Variants in APBA1 observed in about 807,000 individuals in gnomAD.
APBA1 encodes the protein amyloid beta precursor protein binding family A member 1.
A neutral mutation model predicts 86.6 loss-of-function variants in APBA1; 55 were observed. The observed-to-expected ratio is 0.64, with a 90% CI of 0.51 to 0.80. The LOEUF (loss-of-function observed/expected upper bound fraction) is 0.80. Ranked by LOEUF, APBA1 falls within the 30% of genes least tolerant of loss-of-function variation. The probability of loss-of-function intolerance (pLI) is 0.00; values close to 1 mark genes in which losing one functional copy is unlikely to be tolerated. For missense variants in APBA1, 1,090 were observed against 1,183.0 expected, an observed-to-expected ratio of 0.92 and a Z score of 1.15; for synonymous variants, 511 against 493.9, an observed-to-expected ratio of 1.03 and a Z score of -0.46.
At chr9:69,557,280 A>T (rs1836877687) in intron 1 of APBA1, among the ~76,000 whole-genome samples, 1 of 152,216 alleles carries the variant, frequency 6.6e-6, no homozygotes, top group Non-Finnish European at 1.5e-5. Context: ...AGCCATGACA[A>T]AGTGTAGGTG....
chr9:69,646,325 G>T (rs1823388977), intron 1 of APBA1, among the ~76,000 whole-genome samples: 1 of 152,150 alleles, frequency 6.6e-6, no homozygotes. Flanking sequence ...CCATGCATGT[G>T]TCATTCTTGT....
At chr9:69,569,969 C>T (rs1309052017) in intron 1 of APBA1, among the ~76,000 whole-genome samples, 3 of 152,096 alleles carry the variant, frequency 2.0e-5, no homozygotes, top group Admixed American at 6.6e-5. Flanking sequence ...AGGTCAGAAT[C>T]GAGGCAGAGA....
chr9:69,656,572 T>C (rs1309791659), intron 1 of APBA1, among the ~76,000 whole-genome samples: 3 of 152,200 alleles, frequency 2.0e-5, no homozygotes, highest in African/African-American at 2.4e-5. Context: ...GTGGTTGATA[T>C]TGACTGACTG....
intron 2 of APBA1, among the ~76,000 whole-genome samples, chr9:69,505,902 C>T (rs1835953092): frequency 6.6e-6 from 1 of 151,834 alleles, no homozygotes; most frequent in African/African-American, 2.4e-5. Context: ...ACCTGTAGTC[C>T]CAGCTACTTG....
chr9:69,561,542 CT>C (rs1403832296), intron 1 of APBA1, among the ~76,000 whole-genome samples: 1 of 151,980 alleles, frequency 6.6e-6, no homozygotes, highest in Non-Finnish European at 1.5e-5. Context: ...CAATCAACAT[CT>C]GTTAGAGTTC....
chr9:69,488,955 A>G (rs1290300590), intron 2 of APBA1, among the ~76,000 whole-genome samples: 3 of 152,090 alleles, frequency 2.0e-5, no homozygotes, highest in Non-Finnish European at 4.4e-5. Context: ...GGAGAACTAC[A>G]AACCACTGCT....
At chr9:69,511,123 G>T (rs983756498) in intron 2 of APBA1, among the ~76,000 whole-genome samples, 7 of 152,138 alleles carry the variant, frequency 4.6e-5, no homozygotes, top group Non-Finnish European at 8.8e-5. Flanking sequence ...ACTACCATCA[G>T]AGTGAACAGG....
intron 1 of APBA1, among the ~76,000 whole-genome samples, chr9:69,544,241 T>G (rs1184139296): frequency 6.6e-6 from 1 of 152,228 alleles, no homozygotes; most frequent in Non-Finnish European, 1.5e-5. Context: ...TGCTCACATT[T>G]CAACAATCAG....
chr9:69,546,719 A>T (rs1000384524), intron 1 of APBA1, among the ~76,000 whole-genome samples: 1 of 152,256 alleles, frequency 6.6e-6, no homozygotes, highest in Non-Finnish European at 1.5e-5. Flanking sequence ...ATATAACATT[A>T]GGGAATAAAT....
At chr9:69,600,895 C>T (rs1193742981) in intron 1 of APBA1, among the ~76,000 whole-genome samples, 1 of 150,890 alleles carries the variant, frequency 6.6e-6, no homozygotes, top group African/African-American at 2.4e-5. Context: ...TCATCCTCCA[C>T]CTGGGAGGCT....
At chr9:69,633,648 T>A (rs1019574586) in intron 1 of APBA1, among the ~76,000 whole-genome samples, 1 of 152,194 alleles carries the variant, frequency 6.6e-6, no homozygotes, top group African/African-American at 2.4e-5. Flanking sequence ...TTCCTCTCCA[T>A]CTGCATTCAA....
At chr9:69,495,388 C>A (rs1017242892) in intron 2 of APBA1, among the ~76,000 whole-genome samples, 15 of 152,132 alleles carry the variant, frequency 9.9e-5, no homozygotes, top group African/African-American at 3.6e-4. Flanking sequence ...TCCATCTTTC[C>A]GGGTGCTGTT....
At chr9:69,669,338 G>GAAAC (rs929922029) in intron 1 of APBA1, among the ~76,000 whole-genome samples, 1 of 151,932 alleles carries the variant, frequency 6.6e-6, no homozygotes, top group African/African-American at 2.4e-5. Context: ...TAAGTCTTCC[G>GAAAC]AAACAAACAA....
At chr9:69,548,052 T>G (rs1243821160) in intron 1 of APBA1, among the ~76,000 whole-genome samples, 1 of 152,114 alleles carries the variant, frequency 6.6e-6, no homozygotes, top group Admixed American at 6.6e-5. Context: ...CATGAGTCCT[T>G]AAAAATGGAG....
At chr9:69,577,702 C>T (rs1018941005) in intron 1 of APBA1, among the ~76,000 whole-genome samples, 1 of 152,106 alleles carries the variant, frequency 6.6e-6, no homozygotes, top group African/African-American at 2.4e-5. Context: ...TGGAATATGA[C>T]AATGAAAAAT....
Position 69,505,351 on chromosome 9 carries a change from G to C in APBA1, c.1200+10660C>G, listed in dbSNP as rs547468090. Among the ~76,000 whole-genome samples, 227 of 152,090 alleles carry C rather than the reference G, an allele frequency of 1.5e-3. 1 individual carries two copies. The highest frequency in any genetic ancestry group is 5.3e-3 in the African/African-American group (220 of 41,482). On this transcript the variant is annotated intron_variant, in intron 2 of 12. Transcript: ENST00000265381. ...GCAACTTCAGGGCTCACGTTTCCCT[G>C]GCCACGCTTAACTTCTAGAGGATGA...
intron 2 of APBA1, among the ~76,000 whole-genome samples, chr9:69,493,391 A>G (rs78760115): frequency 0.017 from 2,550 of 152,068 alleles, 82 homozygotes; most frequent in African/African-American, 0.058. Flanking sequence ...AACTCCTCAC[A>G]TACAGGAAGC....
At chr9:69,495,920 G>A (rs977545067) in intron 2 of APBA1, among the ~76,000 whole-genome samples, 3 of 152,042 alleles carry the variant, frequency 2.0e-5, no homozygotes, top group Admixed American at 2.0e-4. Context: ...CACCTTTACC[G>A]AGGGCCTGAG....
intron 2 of APBA1, among the ~76,000 whole-genome samples, chr9:69,482,763 G>C (rs1408272541): frequency 1.3e-5 from 2 of 151,740 alleles, no homozygotes; most frequent in Admixed American, 1.3e-4. Context: ...AGAAAATGTG[G>C]CACATATACA....
Sources: gnomAD v4.1 joint callset for allele counts (sites outside exome capture counted in the v4.1 genomes callset) on GRCh38, gnomAD v4.1.1 for gene constraint, MANE v1.5 for transcripts, NCBI Gene and HGNC (gene_info 2026-07-23, HGNC 2026-07-21) for gene names.